Variants in AFAP1 observed in about 807,000 individuals in gnomAD.
AFAP1 encodes the protein actin filament associated protein 1.
Under a neutral mutation model 93.9 loss-of-function variants are expected in AFAP1, and 75 were observed. That is an observed-to-expected ratio of 0.80 (90% CI 0.66 to 0.97). AFAP1 has a LOEUF of 0.97. AFAP1 is among the 50% of genes least tolerant of loss of function. AFAP1 has a pLI of 0.00. For missense variants in AFAP1, 1,201 were observed against 1,050.8 expected (o/e 1.14, Z -1.98); for synonymous variants, 517 against 430.7 (o/e 1.20, Z -2.48).
chr4:7,776,750 C>A (rs1030742745), intron 14 of AFAP1: 3 of 152,194 alleles, frequency 2.0e-5, no homozygotes, highest in African/African-American at 7.2e-5. Context: ...ATTCGACAAT[C>A]TGAAACAAAA....
chr4:7,771,176 T>C (rs1054256705), intron 16 of AFAP1, among the ~76,000 whole-genome samples: 8 of 152,242 alleles, frequency 5.3e-5, no homozygotes, highest in Non-Finnish European at 8.8e-5. Context: ...GATTCTCACC[T>C]ATCTTGTTCA....
chr4:7,792,084 G>GA (rs1717913389), intron 11 of AFAP1, among the ~76,000 whole-genome samples: 1 of 152,152 alleles, frequency 6.6e-6, no homozygotes, highest in South Asian at 2.1e-4. Context: ...AGTATGTGAA[G>GA]AAAATCCAGC....
At chr4:7,819,691 G>A (rs921720130) in intron 6 of AFAP1, among the ~76,000 whole-genome samples, 4 of 152,198 alleles carry the variant, frequency 2.6e-5, no homozygotes, top group African/African-American at 4.8e-5. Context: ...GTGCAAACTG[G>A]CAGGACGGGA....
intron 1 of AFAP1, among the ~76,000 whole-genome samples, chr4:7,922,294 C>T (rs1021610887): frequency 2.0e-5 from 3 of 152,150 alleles, no homozygotes; most frequent in Non-Finnish European, 4.4e-5. Flanking sequence ...TAATACCTAA[C>T]ACACAGGACT....
chr4:7,900,689 A>C lies in AFAP1; in HGVS notation c.-2-28609T>G, dbSNP rs148942177. On this transcript the variant is annotated intron_variant, in intron 1 of 17. Transcript: ENST00000420658. Reference sequence around the variant, plus strand: ...GGTACCTTGTAACCAACAAGAAACTATAAGCACAACTTTGAAAAACTGTAC... The same window carrying C: ...GGTACCTTGTAACCAACAAGAAACTCTAAGCACAACTTTGAAAAACTGTAC... 7.9e-5 allele frequency among the ~76,000 whole-genome samples: 12 copies of C among 152,414 alleles called. No homozygotes were observed. In the East Asian group the frequency reaches 2.3e-3, roughly 29 times the overall value.
At chr4:7,820,552 G>C (rs1720882253) in intron 6 of AFAP1, among the ~76,000 whole-genome samples, 1 of 152,134 alleles carries the variant, frequency 6.6e-6, no homozygotes, top group South Asian at 2.1e-4. Context: ...AGAAAACCAG[G>C]AGAGCACAGT....
intron 4 of AFAP1, among the ~76,000 whole-genome samples, chr4:7,851,971 A>C (rs1250359071): frequency 1.3e-5 from 2 of 152,182 alleles, no homozygotes; most frequent in African/African-American, 4.8e-5. Flanking sequence ...ATTTACAGCA[A>C]ATCAAGTACA....
chr4:7,810,489 C>T (rs1272285619), intron 8 of AFAP1, among the ~76,000 whole-genome samples: 2 of 152,152 alleles, frequency 1.3e-5, no homozygotes, highest in Non-Finnish European at 2.9e-5. Flanking sequence ...GCCTGGCTGG[C>T]AAGGGGAGGC....
chr4:7,830,490 A>T (rs1721792966), intron 6 of AFAP1, among the ~76,000 whole-genome samples: 1 of 152,236 alleles, frequency 6.6e-6, no homozygotes, highest in Admixed American at 6.5e-5. Flanking sequence ...GAGTGAGAAA[A>T]AACAGCTGCA....
At chr4:7,819,859 G>T (rs1254486609) in intron 6 of AFAP1, among the ~76,000 whole-genome samples, 1 of 152,174 alleles carries the variant, frequency 6.6e-6, no homozygotes, top group Admixed American at 6.5e-5. Flanking sequence ...TTTAGCCTTG[G>T]ACAAATCAAT....
intron 17 of AFAP1, among the ~76,000 whole-genome samples, chr4:7,767,295 G>A (rs1322879322): frequency 2.0e-5 from 3 of 152,292 alleles, no homozygotes; most frequent in African/African-American, 7.2e-5. Flanking sequence ...GGAGCGGGGG[G>A]CCTGAACCTC....
At chr4:7,808,768 A>G (rs1011845869) in intron 9 of AFAP1, among the ~76,000 whole-genome samples, 3 of 152,030 alleles carry the variant, frequency 2.0e-5, no homozygotes, top group African/African-American at 7.2e-5. Context: ...GTAATGAGGG[A>G]GTTCTCACAC....
At position 7,775,011 on chromosome 4, in the gene AFAP1, C is replaced by G. The variant is rs1715957286; in HGVS notation, c.1898-108G>C. On this transcript the variant is annotated intron_variant, in intron 14 of 17. Transcript: ENST00000420658. ...ACAAAATTAGCCAGGCATGGCGGCA[C>G]ATGCCTATAGTCCCAGCTACTCAGG... is the stretch of plus-strand genomic sequence containing the variant. 5 of 1,355,120 alleles carry G rather than the reference C, an allele frequency of 3.7e-6. No homozygotes were observed. The South Asian group carries it at 7.0e-5, about 19-fold the overall frequency. The allele number at this position is 1,355,120 out of a possible 1,614,324, so 83.9% of individuals were successfully genotyped here.
chr4:7,812,761 A>G (rs1446628021), intron 8 of AFAP1, among the ~76,000 whole-genome samples: 4 of 152,222 alleles, frequency 2.6e-5, no homozygotes, highest in Non-Finnish European at 5.9e-5. Context: ...GTTTCCCAGT[A>G]ACCGACGGAA....
At chr4:7,814,408 C>T (rs1720295495) in intron 8 of AFAP1, among the ~76,000 whole-genome samples, 1 of 152,196 alleles carries the variant, frequency 6.6e-6, no homozygotes, top group Non-Finnish European at 1.5e-5. Context: ...ACCAAGCAAT[C>T]CACTCCTAGG....
At chr4:7,765,120 G>C (rs563668909) in intron 17 of AFAP1, among the ~76,000 whole-genome samples, 1 of 145,166 alleles carries the variant, frequency 6.9e-6, no homozygotes, top group African/African-American at 2.5e-5. Context: ...TCAATCAATC[G>C]CTAAGGAGAC....
intron 1 of AFAP1, among the ~76,000 whole-genome samples, chr4:7,916,718 A>T (rs1455070370): frequency 3.3e-5 from 5 of 152,152 alleles, no homozygotes; most frequent in Non-Finnish European, 5.9e-5. Flanking sequence ...AAAACCAAGC[A>T]TCTCTGAAAA....
Position 7,838,651 on chromosome 4 carries a change from C to A in AFAP1, c.599G>T (p.Gly200Val), listed in dbSNP as rs764597040. 2.5e-6 allele frequency: 4 copies of A among 1,614,106 alleles called. No homozygotes were observed. In the South Asian group the frequency reaches 4.4e-5, roughly 18 times the overall value. ...QQPQMELPLQ[G>V]CNITYIPKDS... is the part of the protein sequence containing the mutation. ...TTTCGGGATGTACGTAATGTTACAG[C>A]CTTGGAGTGGCAGTTCCATCTGAGG... is the stretch of plus-strand genomic sequence containing the variant. Residue 200 changes from glycine to valine, a missense_variant, in exon 6 of 18, where the codon GGC (glycine) becomes GTC (valine). Coordinates refer to ENST00000420658, the MANE Select transcript of AFAP1 (RefSeq NM_001134647.2).
chr4:7,869,610 G>A (rs1716842352), intron 2 of AFAP1, among the ~76,000 whole-genome samples: 1 of 152,188 alleles, frequency 6.6e-6, no homozygotes, highest in Non-Finnish European at 1.5e-5. Flanking sequence ...GCAGGAAAGA[G>A]GAAGAAACAA....
Sources: allele counts gnomAD v4.1 joint callset (sites outside exome capture counted in the v4.1 genomes callset), GRCh38; gene constraint gnomAD v4.1.1; transcripts MANE v1.5; gene names NCBI Gene and HGNC (gene_info 2026-07-23, HGNC 2026-07-21).